Variants in PHKB observed in about 807,000 individuals in gnomAD.
PHKB encodes phosphorylase b kinase regulatory subunit beta.
Under a neutral mutation model 152.1 loss-of-function variants are expected in PHKB, and 122 were observed. The observed-to-expected ratio is 0.80, with a 90% CI of 0.69 to 0.93. The LOEUF (loss-of-function observed/expected upper bound fraction) is 0.93. PHKB is among the 40% of genes least tolerant of loss of function. PHKB has a pLI of 0.00. For synonymous variants in PHKB, 436 were observed against 464.9 expected (o/e 0.94, Z 0.80); for missense variants, 1,304 against 1,328.4 (o/e 0.98, Z 0.29).
intron 26 of PHKB, among the ~76,000 whole-genome samples, chr16:47,682,348 C>T (rs972208145): frequency 6.6e-6 from 1 of 152,116 alleles, no homozygotes; most frequent in African/African-American, 2.4e-5. Flanking sequence ...GATCATATCC[C>T]TCAGAGTGTT....
chr16:47,601,509 T>C (rs979171091), intron 13 of PHKB, among the ~76,000 whole-genome samples: 7 of 151,924 alleles, frequency 4.6e-5, no homozygotes, highest in African/African-American at 1.5e-4. Flanking sequence ...ATCAAGACTA[T>C]CCTGGCTAAC....
At chr16:47,677,317 A>G (rs1268435254) in intron 26 of PHKB, among the ~76,000 whole-genome samples, 1 of 152,188 alleles carries the variant, frequency 6.6e-6, no homozygotes, top group Non-Finnish European at 1.5e-5. Flanking sequence ...CTCCATATTA[A>G]TATGAATCAA....
At chr16:47,597,869 C>T (rs1462707001) in intron 13 of PHKB, 1 of 151,738 alleles carries the variant, frequency 6.6e-6, no homozygotes, top group African/African-American at 2.4e-5. Context: ...AGAAAACTAA[C>T]TTCCACAAAT....
At chr16:47,465,467 T>C (rs1969651892) in intron 1 of PHKB, among the ~76,000 whole-genome samples, 1 of 152,246 alleles carries the variant, frequency 6.6e-6, no homozygotes, top group Admixed American at 6.5e-5. Flanking sequence ...TTTCCTGTAC[T>C]GTATCATCAA....
chr16:47,529,023 G>A (rs1346430659), intron 6 of PHKB, among the ~76,000 whole-genome samples: 1 of 152,012 alleles, frequency 6.6e-6, no homozygotes, highest in African/African-American at 2.4e-5. Context: ...AAAAATGCTG[G>A]GGATTGGAAG....
intron 1 of PHKB, chr16:47,463,708 G>A (rs1969616622): frequency 1.8e-6 from 1 of 556,638 alleles, no homozygotes; most frequent in Non-Finnish European, 3.2e-6. Flanking sequence ...TCATCCATAT[G>A]AGCAAGTGTA....
At chr16:47,667,544 TA>T (rs994969659) in intron 25 of PHKB, among the ~76,000 whole-genome samples, 4 of 152,230 alleles carry the variant, frequency 2.6e-5, no homozygotes, top group African/African-American at 4.8e-5. Flanking sequence ...GTTTGTTGGC[TA>T]AAACAGACCA....
chr16:47,518,315 C>T (rs544555221), intron 6 of PHKB, among the ~76,000 whole-genome samples: 13 of 152,260 alleles, frequency 8.5e-5, no homozygotes, highest in Admixed American at 3.9e-4. Context: ...AATATAGGTA[C>T]TGCATTGTCT....
chr16:47,628,358 C>T (rs185742627), intron 14 of PHKB, among the ~76,000 whole-genome samples: 1 of 152,182 alleles, frequency 6.6e-6, no homozygotes, highest in African/African-American at 2.4e-5. Context: ...CGGCAAAACC[C>T]CGTCTCTACT....
Position 47,664,934 on chromosome 16 carries a change from A to C in PHKB, c.2386A>C (p.Ile796Leu). ...ATTTACCCAGAAATTTTCTTCCTCT[A>C]TAGCCCCACACATTACTACTTTTCT... ...AAFTQKFSSSIAPHITTFLVH... is the reference protein window; with the variant it reads ...AAFTQKFSSSLAPHITTFLVH... The change falls in exon 25 of 31, where the codon ATA (isoleucine) becomes CTA (leucine). Residue 796 changes from isoleucine to leucine, a missense_variant. By Grantham distance (5) the Ile-to-Leu change is conservative (BLOSUM62 2). Transcript: ENST00000323584. The C allele has an allele frequency of 6.2e-7, 1 of 1,613,772 alleles. No individual in the cohort carries two copies. The highest frequency in any genetic ancestry group is 8.5e-7 in the Non-Finnish European group (1 of 1,179,756).
intron 8 of PHKB, among the ~76,000 whole-genome samples, chr16:47,582,544 C>T (rs1017099982): frequency 6.6e-6 from 1 of 152,132 alleles, no homozygotes; most frequent in African/African-American, 2.4e-5. Flanking sequence ...AAAAAATACT[C>T]ATATATGAGC....
At position 47,650,876 on chromosome 16, in the gene PHKB, A is replaced by G. The variant is rs1973225457; in HGVS notation, c.1926A>G (p.Lys642=). 1.2e-6 allele frequency: 2 copies of G among 1,613,860 alleles called. No individual in the cohort carries two copies. The highest frequency in any genetic ancestry group is 1.7e-5 in the Admixed American group (1 of 60,006). ...NPILDMLAAL[K]KGIIGGVKVH... ...TATTAGATATGCTGGCAGCCCTTAA[A>G]AAAGGAATAATTGGAGGAGTCAAAG... is the stretch of plus-strand genomic sequence containing the variant. The change falls in exon 20 of 31, where the codon AAA becomes AAG. Residue 642 remains lysine, a synonymous_variant. Coordinates refer to ENST00000323584, the MANE Select transcript of PHKB (RefSeq NM_000293.3).
At chr16:47,646,561 TA>T (rs1456479779) in intron 16 of PHKB, among the ~76,000 whole-genome samples, 67 of 104,698 alleles carry the variant, frequency 6.4e-4, no homozygotes, top group African/African-American at 2.8e-3. Flanking sequence ...AAATAAAAAA[TA>T]AAAAAATAAT....
rs140117779 is a variant in PHKB at position 47,669,319 on chromosome 16, G to A, written c.2532G>A (p.Glu844=). The A allele has an allele frequency of 1.5e-4, 238 of 1,614,086 alleles. 1 individual carries two copies. The African/African-American group carries it at 2.9e-3, about 20-fold the overall frequency. ...IIYYKCNTHD[E]REAVIQQELV... ...ATTATAAGTGTAACACCCATGATGA[G>A]AGGGAAGCGGTCATTCAGCAAGAAC... The change falls in exon 26 of 31, where the codon GAG becomes GAA. Residue 844 remains glutamate, a synonymous_variant. Transcript: ENST00000323584.
chr16:47,540,208 C>T (rs1971028646), intron 6 of PHKB, among the ~76,000 whole-genome samples: 1 of 152,064 alleles, frequency 6.6e-6, no homozygotes, highest in Admixed American at 6.6e-5. Flanking sequence ...GCCCTGGTCT[C>T]CTGCAGTACC....
rs1974016699 is a variant in PHKB, at chr16:47,689,138, C to T, written c.2728C>T (p.Leu910Phe). The T allele has an allele frequency of 6.2e-7, 1 of 1,613,962 alleles. No individual in the cohort carries two copies. Among genetic ancestry groups the T allele is most frequent in the Non-Finnish European group, 8.5e-7 (1 of 1,179,968 alleles). ...YQLSPSEVKQ[L>F]LLDILQPQQN... is the part of the protein sequence containing the mutation. ...GCTGTCACCTAGTGAAGTTAAACAG[C>T]TTCTGCTGGATATTCTGCAGCCTCA... Residue 910 changes from leucine (L) to phenylalanine (F), a missense_variant, in exon 27 of 31, where the codon CTT becomes TTT. Coordinates refer to ENST00000323584, the MANE Select transcript of PHKB (RefSeq NM_000293.3).
chr16:47,553,481 A>G (rs1384419367), intron 7 of PHKB, among the ~76,000 whole-genome samples: 1 of 152,118 alleles, frequency 6.6e-6, no homozygotes, highest in Admixed American at 6.5e-5. Context: ...TGGTTAGAAC[A>G]TAGTCCTTTA....
At chr16:47,494,871 T>A (rs1567278677) in intron 1 of PHKB, among the ~76,000 whole-genome samples, 1 of 152,228 alleles carries the variant, frequency 6.6e-6, no homozygotes, top group Non-Finnish European at 1.5e-5. Flanking sequence ...ACTTTTCCTT[T>A]GACTTAGATT....
At chr16:47,685,788 C>T (rs1973954455) in intron 26 of PHKB, among the ~76,000 whole-genome samples, 1 of 150,032 alleles carries the variant, frequency 6.7e-6, no homozygotes, top group African/African-American at 2.5e-5. Context: ...GTTGCCCAGG[C>T]TGGAGTGCAG....
Sources: gnomAD v4.1 joint callset for allele counts (sites outside exome capture counted in the v4.1 genomes callset) on GRCh38, gnomAD v4.1.1 for gene constraint, MANE v1.5 for transcripts, NCBI Gene and HGNC (gene_info 2026-07-23, HGNC 2026-07-21) for gene names.